The following IDE variants were observed in gnomAD, a reference collection of about 807,000 sequenced individuals.
The protein encoded by IDE is insulin-degrading enzyme.
Under a neutral mutation model 133.2 loss-of-function variants are expected in IDE, and 58 were observed. The observed-to-expected ratio is 0.44, with a 90% CI of 0.35 to 0.54. The LOEUF (loss-of-function observed/expected upper bound fraction) is 0.54, where lower values mean the gene tolerates loss of function less well. IDE is among the 20% of genes least tolerant of loss of function. The probability of loss-of-function intolerance (pLI) is 0.00; values close to 1 mark genes in which losing one functional copy is unlikely to be tolerated. For synonymous variants in IDE, 396 were observed against 421.3 expected (o/e 0.94, Z 0.73); for missense variants, 981 against 1,234.0 (o/e 0.79, Z 3.07).
At chr10:92,481,517 T>C (rs1057417040) in intron 14 of IDE, among the ~76,000 whole-genome samples, 2 of 152,206 alleles carry the variant, frequency 1.3e-5, no homozygotes, top group Non-Finnish European at 2.9e-5. Context: ...TAAAAGAGAA[T>C]AGGATTCAAC....
intron 4 of IDE, among the ~76,000 whole-genome samples, chr10:92,524,743 C>T (rs1255300590): frequency 1.4e-5 from 2 of 144,314 alleles, no homozygotes; most frequent in African/African-American, 5.1e-5. Flanking sequence ...GCCAATATAG[C>T]AAAACCCCGT....
At position 92,463,714 on chromosome 10, in the gene IDE, C is replaced by A; in HGVS notation, c.2761+17G>T. The A allele has an allele frequency of 6.2e-7, 1 of 1,605,866 alleles. No individual in the cohort carries two copies. Among genetic ancestry groups the A allele is most frequent in the Non-Finnish European group, 8.5e-7 (1 of 1,173,524 alleles). On this transcript the variant is annotated intron_variant, in intron 21 of 24. Transcript: ENST00000265986. ...TACTTGAATGCCATAAATGTTGGAG[C>A]CCTAATTTTACCTTACCTCTGTCAA...
chr10:92,538,420 G>A (rs945057231), intron 1 of IDE, among the ~76,000 whole-genome samples: 2 of 152,156 alleles, frequency 1.3e-5, no homozygotes, highest in African/African-American at 2.4e-5. Flanking sequence ...ATAAGAGACC[G>A]GTGCTGTCCT....
intron 4 of IDE, among the ~76,000 whole-genome samples, chr10:92,516,170 A>T (rs1302964667): frequency 6.8e-6 from 1 of 146,242 alleles, no homozygotes; most frequent in African/African-American, 2.5e-5. Context: ...GGGCAACAAG[A>T]CGGAAACTCC....
intron 4 of IDE, among the ~76,000 whole-genome samples, chr10:92,519,190 GA>G (rs1849084400): frequency 6.6e-6 from 1 of 152,082 alleles, no homozygotes; most frequent in Non-Finnish European, 1.5e-5. Flanking sequence ...ACTCCCCAGA[GA>G]AAAAAATAGA....
intron 1 of IDE, among the ~76,000 whole-genome samples, chr10:92,548,301 G>A (rs1014233145): frequency 2.8e-5 from 4 of 142,898 alleles, no homozygotes; most frequent in East Asian, 4.1e-4. Flanking sequence ...AGAGGTTGCG[G>A]TGAACCAAGA....
chr10:92,451,988 G>A lies in IDE; in HGVS notation c.*2456C>T, dbSNP rs931404206. 6.6e-6 allele frequency: 1 copy of A among 152,206 alleles called. No individual in the cohort carries two copies. Among genetic ancestry groups the A allele is most frequent in the African/African-American group, 2.4e-5 (1 of 41,440 alleles). The allele number at this position is 152,206 out of a possible 1,614,324, so 9.4% of individuals were successfully genotyped here. On this transcript the variant is annotated 3_prime_UTR_variant, in exon 25 of 25. Coordinates refer to ENST00000265986, the MANE Select transcript of IDE (RefSeq NM_004969.4). Reference sequence around the variant, plus strand: ...TCAGTGACAATACTCACAGCAAGGAGTCCAACATCAAATACTGAGATTCTT... The same window carrying A: ...TCAGTGACAATACTCACAGCAAGGAATCCAACATCAAATACTGAGATTCTT...
At chr10:92,476,494 AATAT>A (rs1161865216) in intron 15 of IDE, among the ~76,000 whole-genome samples, 2 of 151,796 alleles carry the variant, frequency 1.3e-5, no homozygotes, top group Non-Finnish European at 2.9e-5. Flanking sequence ...TTTTTTAAAA[AATAT>A]ATTTATTTAT....
chr10:92,561,197 A>C (rs554363936), intron 1 of IDE, among the ~76,000 whole-genome samples: 98 of 152,172 alleles, frequency 6.4e-4, no homozygotes, highest in Non-Finnish European at 1.2e-3. Flanking sequence ...CGGAGGTTGC[A>C]GTAAGCCGAG....
intron 11 of IDE, chr10:92,497,667 C>G (rs1847787087): frequency 1.0e-6 from 1 of 953,192 alleles, no homozygotes; most frequent in Non-Finnish European, 1.2e-6. Flanking sequence ...AGAAGGTAAT[C>G]TTACCCTTGA....
At chr10:92,510,752 C>T (rs1330226241) in intron 5 of IDE, among the ~76,000 whole-genome samples, 3 of 145,668 alleles carry the variant, frequency 2.1e-5, no homozygotes, top group Non-Finnish European at 4.5e-5. Flanking sequence ...ATAGCACATA[C>T]ATCTCACATA....
chr10:92,464,763 C>T (rs777395534), intron 20 of IDE, among the ~76,000 whole-genome samples: 1 of 152,144 alleles, frequency 6.6e-6, no homozygotes, highest in East Asian at 1.9e-4. Flanking sequence ...CTCTGCCTCC[C>T]GGGTTCAAGT....
chr10:92,471,974 C>T (rs1480930262), intron 17 of IDE, among the ~76,000 whole-genome samples: 1 of 152,184 alleles, frequency 6.6e-6, no homozygotes, highest in African/African-American at 2.4e-5. Context: ...TCAGTAAATG[C>T]TGCTGGACCA....
intron 2 of IDE, among the ~76,000 whole-genome samples, chr10:92,536,760 C>T (rs1311689232): frequency 6.6e-6 from 1 of 151,118 alleles, no homozygotes; most frequent in Non-Finnish European, 1.5e-5. Flanking sequence ...TGGTATTAGG[C>T]CAGGCACGGT....
At chr10:92,494,228 ATTT>A (rs56276579) in intron 11 of IDE, among the ~76,000 whole-genome samples, 89 of 130,650 alleles carry the variant, frequency 6.8e-4, no homozygotes, top group African/African-American at 2.2e-3. Flanking sequence ...TACCCAGCCA[ATTT>A]TTTTTTTTTT....
intron 1 of IDE, among the ~76,000 whole-genome samples, chr10:92,543,460 T>C (rs1182684453): frequency 6.6e-6 from 1 of 152,190 alleles, no homozygotes; most frequent in Non-Finnish European, 1.5e-5. Flanking sequence ...TCTTCAGTTA[T>C]AGGAACAGGT....
intron 1 of IDE, among the ~76,000 whole-genome samples, chr10:92,569,850 C>T (rs1267093914): frequency 1.3e-5 from 2 of 152,182 alleles, no homozygotes; most frequent in Non-Finnish European, 2.9e-5. Context: ...TGGCTCACGC[C>T]TGTAATCCGA....
chr10:92,524,531 AATATATTTTATATTATAT>A (rs1486842142), intron 4 of IDE, among the ~76,000 whole-genome samples: 9 of 101,838 alleles, frequency 8.8e-5, no homozygotes, highest in Non-Finnish European at 1.7e-4. Context: ...ATTATATTAT[AATATATTTTATATTATAT>A]ATATATTTTA....
chr10:92,556,380 T>C (rs193132033), intron 1 of IDE, among the ~76,000 whole-genome samples: 28 of 152,202 alleles, frequency 1.8e-4, no homozygotes, highest in Non-Finnish European at 2.9e-4. Flanking sequence ...CCTAGCACTT[T>C]GAGAGGCTGA....
Sources: gnomAD v4.1 joint callset for allele counts (sites outside exome capture counted in the v4.1 genomes callset) on GRCh38, gnomAD v4.1.1 for gene constraint, MANE v1.5 for transcripts, NCBI Gene and HGNC (gene_info 2026-07-23, HGNC 2026-07-21) for gene names.